Variants in TNNI3K observed in about 807,000 individuals in gnomAD.
TNNI3K encodes the protein TNNI3 interacting kinase.
A neutral mutation model predicts 114.5 loss-of-function variants in TNNI3K; 140 were observed. That is an observed-to-expected ratio of 1.22 (90% CI 1.07 to 1.41). TNNI3K has a LOEUF of 1.41. TNNI3K is among the 40% of genes most tolerant of loss of function. TNNI3K has a pLI of 0.00. For synonymous variants in TNNI3K, 347 were observed against 347.5 expected, an observed-to-expected ratio of 1.00 and a Z score of 0.02; for missense variants, 1,125 against 1,007.6, an observed-to-expected ratio of 1.12 and a Z score of -1.58.
At chr1:74,530,005 C>T (rs1344850600) in intron 23 of TNNI3K, among the ~76,000 whole-genome samples, 1 of 152,078 alleles carries the variant, frequency 6.6e-6, no homozygotes, top group African/African-American at 2.4e-5. Flanking sequence ...TAATCTGTCA[C>T]CCAGCCTGGA....
chr1:74,315,602 C>T (rs903379556), intron 5 of TNNI3K, among the ~76,000 whole-genome samples: 1 of 151,540 alleles, frequency 6.6e-6, no homozygotes, highest in Non-Finnish European at 1.5e-5. Flanking sequence ...TAGCTTGCTC[C>T]ATTATTATTG....
intron 4 of TNNI3K, among the ~76,000 whole-genome samples, chr1:74,256,996 TG>T (rs1655355084): frequency 6.6e-6 from 1 of 152,208 alleles, no homozygotes; most frequent in Non-Finnish European, 1.5e-5. Context: ...TCAGAAATTT[TG>T]ACCATTAGTT....
Position 74,489,243 on chromosome 1 carries a change from A to G in TNNI3K, c.2176A>G (p.Ile726Val), listed in dbSNP as rs1232010219. 1.2e-6 allele frequency: 2 copies of G among 1,611,430 alleles called. No individual in the cohort carries two copies. The highest frequency in any genetic ancestry group is 1.7e-6 in the Non-Finnish European group (2 of 1,178,876). Reference sequence around the variant, plus strand: ...GAAGTTAGAAGAGTGTCTCTGCAACATTGAGGTAAAAGCTTTAGCTTCTGA... The same window carrying G: ...GAAGTTAGAAGAGTGTCTCTGCAACGTTGAGGTAAAAGCTTTAGCTTCTGA... ...VMKLEECLCN[I>V]ELMSPASSNS... Residue 726 changes from isoleucine to valine, a missense_variant, in exon 22 of 25, where the codon ATT becomes GTT. Transcript: ENST00000326637.
rs376941635 is a variant in TNNI3K at position 74,398,028 on chromosome 1, C to A, written c.1772+27636C>A. ...TAATACATGGAGAACTGGTTAAAAA[C>A]GTTTTAGAAAGCCTCCTGCTTCCAG... On this transcript the variant is annotated intron_variant, in intron 17 of 24. Transcript: ENST00000326637. Among the ~76,000 whole-genome samples the A allele has an allele frequency of 4.6e-5, 7 of 152,190 alleles. No homozygotes were observed. In the East Asian group the frequency reaches 5.8e-4, roughly 13 times the overall value.
intron 17 of TNNI3K, among the ~76,000 whole-genome samples, chr1:74,417,525 C>G (rs1307917344): frequency 6.6e-6 from 1 of 152,084 alleles, no homozygotes; most frequent in African/African-American, 2.4e-5. Context: ...AAGTATCTCT[C>G]AGCCTTCTTC....
intron 20 of TNNI3K, among the ~76,000 whole-genome samples, chr1:74,451,690 T>TTCTTTTCTTTC: frequency 2.6e-5 from 1 of 39,164 alleles, no homozygotes; most frequent in South Asian, 1.1e-3. Flanking sequence ...TTCTTTTCTT[T>TTCTTTTCTTTC]CTTTCTTTCT....
chr1:74,506,738 C>A (rs962215685), intron 23 of TNNI3K, among the ~76,000 whole-genome samples: 5 of 152,138 alleles, frequency 3.3e-5, no homozygotes, highest in Admixed American at 6.5e-5. Context: ...CTCTGGGGAC[C>A]TTTTAGTTTT....
intron 5 of TNNI3K, among the ~76,000 whole-genome samples, chr1:74,300,883 CATA>C (rs1370448710): frequency 6.6e-6 from 1 of 152,068 alleles, no homozygotes; most frequent in Non-Finnish European, 1.5e-5. Flanking sequence ...CTAACGTAAT[CATA>C]ATAACAGGAT....
At chr1:74,255,959 C>T (rs12058003) in intron 4 of TNNI3K, among the ~76,000 whole-genome samples, 168 of 152,238 alleles carry the variant, frequency 1.1e-3, no homozygotes, top group African/African-American at 3.8e-3. Flanking sequence ...GTAATTAATG[C>T]TTTTCTTGTA....
intron 5 of TNNI3K, among the ~76,000 whole-genome samples, chr1:74,316,873 G>A (rs1421138747): frequency 9.6e-6 from 1 of 103,728 alleles, no homozygotes; most frequent in Non-Finnish European, 2.0e-5. Context: ...TTTTTTTTTT[G>A]TATTTTTAGT....
At chr1:74,446,825 A>G (rs1666712468) in intron 20 of TNNI3K, among the ~76,000 whole-genome samples, 1 of 149,602 alleles carries the variant, frequency 6.7e-6, no homozygotes, top group Non-Finnish European at 1.5e-5. Context: ...TGTTTTTCTC[A>G]GATTTGTCAA....
chr1:74,428,644 G>C (rs1356844852), intron 17 of TNNI3K, among the ~76,000 whole-genome samples: 1 of 152,082 alleles, frequency 6.6e-6, no homozygotes, highest in Non-Finnish European at 1.5e-5. Flanking sequence ...CAAGAATGTA[G>C]GATGAAGTGG....
intron 17 of TNNI3K, among the ~76,000 whole-genome samples, chr1:74,430,597 T>G (rs1665848138): frequency 6.6e-6 from 1 of 152,150 alleles, no homozygotes; most frequent in African/African-American, 2.4e-5. Context: ...TTGCCCGCAG[T>G]TATATTTTGT....
chr1:74,466,120 A>G lies in TNNI3K; in HGVS notation c.2121+2570A>G, dbSNP rs113793468. 3.4e-3 allele frequency among the ~76,000 whole-genome samples: 512 copies of G among 152,342 alleles called. 3 individuals carry two copies. The highest frequency in any genetic ancestry group is 0.012 in the African/African-American group (488 of 41,578). ...ACCCACCAGAAGGAAGAAACTCCGG[A>G]CATATCTGAACATCTGAAGGAACAA... On this transcript the variant is annotated intron_variant, in intron 21 of 24. Transcript: ENST00000326637.
intron 5 of TNNI3K, among the ~76,000 whole-genome samples, chr1:74,307,206 A>G (rs1047866345): frequency 6.6e-6 from 1 of 152,188 alleles, no homozygotes; most frequent in Non-Finnish European, 1.5e-5. Flanking sequence ...AAACCCTATA[A>G]AGCAACTATA....
chr1:74,500,084 T>C (rs957140288), intron 23 of TNNI3K, among the ~76,000 whole-genome samples: 1 of 151,884 alleles, frequency 6.6e-6, no homozygotes, highest in Non-Finnish European at 1.5e-5. Context: ...ATTTTTAATA[T>C]GTTTGTCTTA....
intron 20 of TNNI3K, among the ~76,000 whole-genome samples, chr1:74,450,228 C>G (rs1327234113): frequency 6.6e-6 from 1 of 151,338 alleles, no homozygotes; most frequent in Non-Finnish European, 1.5e-5. Context: ...ACACGACATA[C>G]CAGAATCTCT....
chr1:74,418,286 A>C (rs1665228206), intron 17 of TNNI3K: 1 of 387,400 alleles, frequency 2.6e-6, no homozygotes, highest in African/African-American at 2.1e-5. Context: ...TAACGAATGA[A>C]GTCACCACAT....
Position 74,462,836 on chromosome 1 carries a change from C to T in TNNI3K, c.2012-605C>T, listed in dbSNP as rs139659831. Among the ~76,000 whole-genome samples, 478 of 152,174 alleles carry T rather than the reference C, an allele frequency of 3.1e-3. 1 individual carries two copies. Among genetic ancestry groups the T allele is most frequent in the Admixed American group, 5.6e-3 (86 of 15,278 alleles). On this transcript the variant is annotated intron_variant, in intron 20 of 24. Coordinates refer to ENST00000326637, the MANE Select transcript of TNNI3K (RefSeq NM_015978.3). ...CAGAAATCCATGCAGGCAGGCAACA[C>T]GACAGACTTCAATCAATGAGTATTG...
Sources: allele counts gnomAD v4.1 joint callset (sites outside exome capture counted in the v4.1 genomes callset), GRCh38; gene constraint gnomAD v4.1.1; transcripts MANE v1.5; gene names NCBI Gene and HGNC (gene_info 2026-07-23, HGNC 2026-07-21).